The following DLG2 variants were observed in gnomAD, a reference collection of about 807,000 sequenced individuals.
DLG2 encodes disks large homolog 2.
DLG2 carries 45 observed loss-of-function variants against 132.5 expected under a neutral mutation model. That is an observed-to-expected ratio of 0.34 (90% CI 0.27 to 0.44). The LOEUF (loss-of-function observed/expected upper bound fraction) is 0.44. DLG2 is among the 20% of genes least tolerant of loss of function. The pLI is 1.00. For synonymous variants in DLG2, 424 were observed against 419.6 expected (o/e 1.01, Z -0.13); for missense variants, 1,045 against 1,196.9 (o/e 0.87, Z 1.87).
At chr11:84,204,380 A>T (rs778895573) in intron 8 of DLG2, among the ~76,000 whole-genome samples, 1 of 152,246 alleles carries the variant, frequency 6.6e-6, no homozygotes, top group Non-Finnish European at 1.5e-5. Flanking sequence ...AGGGCACGGT[A>T]TTGATTCATC....
At chr11:85,463,059 G>A (rs1025452413) in intron 3 of DLG2, among the ~76,000 whole-genome samples, 8 of 152,176 alleles carry the variant, frequency 5.3e-5, no homozygotes, top group African/African-American at 1.7e-4. Context: ...CCAGAACCTT[G>A]ATCATGGAAT....
chr11:84,237,130 G>A (rs2097168845), intron 8 of DLG2, among the ~76,000 whole-genome samples: 1 of 151,864 alleles, frequency 6.6e-6, no homozygotes, highest in Non-Finnish European at 1.5e-5. Flanking sequence ...GGGTTTCACT[G>A]TGTTGTCCAC....
chr11:84,468,876 T>A (rs2099101437), intron 7 of DLG2, among the ~76,000 whole-genome samples: 1 of 151,566 alleles, frequency 6.6e-6, no homozygotes, highest in Non-Finnish European at 1.5e-5. Flanking sequence ...TCCATTTTGC[T>A]CTAGAGCAGG....
chr11:84,160,187 A>C (rs1430278442), intron 9 of DLG2, among the ~76,000 whole-genome samples: 3 of 152,142 alleles, frequency 2.0e-5, no homozygotes, highest in Non-Finnish European at 4.4e-5. Context: ...GAGGCCATCT[A>C]GGGAATGAAG....
At chr11:83,666,818 C>A (rs563505152) in intron 18 of DLG2, among the ~76,000 whole-genome samples, 1 of 152,274 alleles carries the variant, frequency 6.6e-6, no homozygotes, top group South Asian at 2.1e-4. Context: ...GTGAAGGGGG[C>A]AAAATTCAAA....
rs114785853 is a variant in DLG2, at chr11:84,425,622, C to T, written c.519+108948G>A. ...CAAAATGTTATACTTGGGAAGTTAA[C>T]GGAATGCTATATGCTGAGATAACAA... On this transcript the variant is annotated intron_variant, in intron 7 of 27. Transcript: ENST00000376104. Among the ~76,000 whole-genome samples, 348 of 152,090 alleles carry T rather than the reference C, an allele frequency of 2.3e-3. 2 individuals are homozygous for T. The highest frequency in any genetic ancestry group is 8.1e-3 in the African/African-American group (338 of 41,526).
intron 8 of DLG2, among the ~76,000 whole-genome samples, chr11:84,190,955 C>G (rs181047942): frequency 6.6e-6 from 1 of 152,084 alleles, no homozygotes; most frequent in Non-Finnish European, 1.5e-5. Context: ...AAAATAAACA[C>G]GTTCATTAAG....
At chr11:84,848,826 T>C (rs1346588822) in intron 6 of DLG2, among the ~76,000 whole-genome samples, 3 of 152,202 alleles carry the variant, frequency 2.0e-5, no homozygotes, top group Non-Finnish European at 4.4e-5. Context: ...TGTTAGCTAG[T>C]CTTAATGATG....
chr11:84,655,462 G>A (rs2154547244), intron 6 of DLG2, among the ~76,000 whole-genome samples: 1 of 152,218 alleles, frequency 6.6e-6, no homozygotes, highest in Admixed American at 6.5e-5. Flanking sequence ...CTAGAGAACA[G>A]AGCAGAAAAT....
intron 11 of DLG2, among the ~76,000 whole-genome samples, chr11:84,001,005 A>G (rs2094317683): frequency 6.6e-6 from 1 of 152,130 alleles, no homozygotes. Flanking sequence ...CCAAAATGGA[A>G]AACAATAAAA....
chr11:85,122,969 A>T (rs867344242), intron 5 of DLG2, among the ~76,000 whole-genome samples: 55 of 86,872 alleles, frequency 6.3e-4, no homozygotes, highest in Non-Finnish European at 8.8e-4. Flanking sequence ...ATATATATAT[A>T]TTTTTTTTTT....
At chr11:84,874,343 G>T (rs1482210427) in intron 6 of DLG2, among the ~76,000 whole-genome samples, 1 of 152,106 alleles carries the variant, frequency 6.6e-6, no homozygotes, top group Non-Finnish European at 1.5e-5. Flanking sequence ...TCCAAATAAG[G>T]CAAGAAGCAT....
chr11:84,259,562 G>C (rs2097527125), intron 7 of DLG2, among the ~76,000 whole-genome samples: 1 of 152,138 alleles, frequency 6.6e-6, no homozygotes. Context: ...TCATCCTGCA[G>C]ACTGTGTCAG....
chr11:85,024,635 T>C (rs1201547003), intron 6 of DLG2, among the ~76,000 whole-genome samples: 1 of 152,222 alleles, frequency 6.6e-6, no homozygotes, highest in Non-Finnish European at 1.5e-5. Flanking sequence ...ATAGTGCCAG[T>C]TGTTAGCAGA....
intron 6 of DLG2, among the ~76,000 whole-genome samples, chr11:84,960,445 T>A (rs2052382675): frequency 6.6e-6 from 1 of 151,968 alleles, no homozygotes; most frequent in Admixed American, 6.6e-5. Flanking sequence ...TTAACTTTTT[T>A]TTTTTTTTGA....
intron 19 of DLG2, among the ~76,000 whole-genome samples, chr11:83,561,335 AC>A (rs1185364836): frequency 6.6e-6 from 1 of 151,968 alleles, no homozygotes; most frequent in East Asian, 1.9e-4. Flanking sequence ...GGAGGACAAA[AC>A]CCACCCATCC....
At chr11:84,720,577 C>A (rs2061699256) in intron 6 of DLG2, 2 of 706,322 alleles carry the variant, frequency 2.8e-6, no homozygotes, top group African/African-American at 3.8e-5. Flanking sequence ...CTCTCGGGGT[C>A]TCCCTTCCCT....
intron 7 of DLG2, among the ~76,000 whole-genome samples, chr11:84,365,334 T>C (rs1474541405): frequency 1.8e-4 from 28 of 152,198 alleles, no homozygotes; most frequent in African/African-American, 6.8e-4. Flanking sequence ...TGGTAGTTTG[T>C]ATTTCTGTGG....
intron 15 of DLG2, among the ~76,000 whole-genome samples, chr11:83,889,147 A>G (rs557285696): frequency 0.013 from 1,981 of 152,266 alleles, 38 homozygotes; most frequent in African/African-American, 0.045. Flanking sequence ...AGCAAAAGAA[A>G]CTACCATCAG....
Sources: gnomAD v4.1 joint callset for allele counts (sites outside exome capture counted in the v4.1 genomes callset) on GRCh38, gnomAD v4.1.1 for gene constraint, MANE v1.5 for transcripts, NCBI Gene and HGNC (gene_info 2026-07-23, HGNC 2026-07-21) for gene names.